Variants in CLDN2 observed in about 807,000 individuals in gnomAD.
The protein encoded by CLDN2 is claudin-2.
Under a neutral mutation model 8.2 loss-of-function variants are expected in CLDN2, and 1 was observed. The ratio of observed to expected loss-of-function variants is 0.12; its 90% CI spans 0.04 to 0.58. The LOEUF (loss-of-function observed/expected upper bound fraction) is 0.58, where lower values mean the gene tolerates loss of function less well. Ranked by LOEUF, CLDN2 falls within the 20% of genes least tolerant of loss-of-function variation. The probability of loss-of-function intolerance (pLI) is 0.90; values close to 1 mark genes in which losing one functional copy is unlikely to be tolerated. For missense variants in CLDN2, 108 were observed against 172.9 expected, an observed-to-expected ratio of 0.62 and a Z score of 2.11; for synonymous variants, 70 against 70.2, an observed-to-expected ratio of 1.00 and a Z score of 0.01.
In CLDN2 at chrX:106,929,868, T is replaced by C. The variant is rs1045470856; in HGVS notation, c.*947T>C. The C allele has an allele frequency of 1.6e-5, 2 of 123,415 alleles. No homozygotes were observed. Among genetic ancestry groups the C allele is most frequent in the Non-Finnish European group, 1.9e-5 (1 of 53,307 alleles). The allele number at this position is 123,415 out of a possible 1,213,427, so 10.2% of individuals were successfully genotyped here. A position where few individuals can be genotyped will look rare whatever the true frequency, so the allele number is the denominator to read the frequency against. On this transcript the variant is annotated 3_prime_UTR_variant, in exon 2 of 2. Coordinates refer to ENST00000336803, the MANE Select transcript of CLDN2 (RefSeq NM_020384.4). ...TAGACAATGGTTTCCTTAGGAACAG[T>C]AAACCAGTTTTTCTAGGGATGGCCC... is the stretch of plus-strand genomic sequence containing the variant.
At chrX:106,902,445 T>G (rs1019056871) in intron 1 of CLDN2, among the ~76,000 whole-genome samples, 1 of 112,418 alleles carries the variant, frequency 8.9e-6, no homozygotes, top group African/African-American at 3.2e-5. Context: ...GTCTTTGGGC[T>G]TCTTAAGCTC....
At chrX:106,924,797 T>A (rs1223884372) in intron 1 of CLDN2, among the ~76,000 whole-genome samples, 4 of 103,982 alleles carry the variant, frequency 3.8e-5, no homozygotes, top group Non-Finnish European at 5.9e-5. Context: ...TACCTCTTTC[T>A]TCCTCTGATC....
chrX:106,912,552 T>A (rs1453461942), intron 1 of CLDN2, among the ~76,000 whole-genome samples: 3 of 109,338 alleles, frequency 2.7e-5, no homozygotes, highest in Non-Finnish European at 5.7e-5. Context: ...TAGCTGGGAC[T>A]ATAGGCTTGC....
intron 1 of CLDN2, among the ~76,000 whole-genome samples, chrX:106,908,729 C>T (rs1253047439): frequency 9.1e-6 from 1 of 109,867 alleles, no homozygotes. Context: ...GCTGGGACCA[C>T]AGGTGTGTCC....
At chrX:106,924,555 G>A (rs753301550) in intron 1 of CLDN2, among the ~76,000 whole-genome samples, 1 of 110,280 alleles carries the variant, frequency 9.1e-6, no homozygotes, top group South Asian at 3.9e-4. Flanking sequence ...GCACTGCTTT[G>A]CATCAACACT....
At position 106,928,953 on chromosome X, in the gene CLDN2, G is replaced by A. The variant is rs769560991; in HGVS notation, c.*32G>A. ...AGGGGCCAGAGCTGGGGGGTGGCTGGGTCTGTGAAAAACAGTGGACAGCAC... is the reference window on the plus strand; with the variant it reads ...AGGGGCCAGAGCTGGGGGGTGGCTGAGTCTGTGAAAAACAGTGGACAGCAC... On this transcript the variant is annotated 3_prime_UTR_variant, in exon 2 of 2. Coordinates refer to ENST00000336803, the MANE Select transcript of CLDN2 (RefSeq NM_020384.4). 6.9e-6 allele frequency: 8 copies of A among 1,155,735 alleles called. No homozygotes were observed. Among genetic ancestry groups the A allele is most frequent in the Non-Finnish European group, 9.4e-6 (8 of 852,840 alleles).
chrX:106,903,727 G>A (rs1007308164), intron 1 of CLDN2, among the ~76,000 whole-genome samples: 3 of 111,955 alleles, frequency 2.7e-5, no homozygotes, highest in Non-Finnish European at 3.8e-5. Flanking sequence ...GGCAAGAAGA[G>A]ACAGCTGACC....
chrX:106,910,457 CTT>C (rs1300856139), intron 1 of CLDN2, among the ~76,000 whole-genome samples: 4 of 110,160 alleles, frequency 3.6e-5, no homozygotes, highest in African/African-American at 1.3e-4. Flanking sequence ...AATCCCAGCA[CTT>C]TGGGTGATCT....
At position 106,929,150 on chromosome X, in the gene CLDN2, A is replaced by C; in HGVS notation, c.*229A>C. 1 of 418,119 alleles carries C rather than the reference A, an allele frequency of 2.4e-6. No homozygotes were observed. The highest frequency in any genetic ancestry group is 4.2e-6 in the Non-Finnish European group (1 of 235,555). The allele number at this position is 418,119 out of a possible 1,213,427, so 34.5% of individuals were successfully genotyped here. A position where few individuals can be genotyped will look rare whatever the true frequency, so the allele number is the denominator to read the frequency against. On this transcript the variant is annotated 3_prime_UTR_variant, in exon 2 of 2. Coordinates refer to ENST00000336803, the MANE Select transcript of CLDN2 (RefSeq NM_020384.4). ...CCATGCCAGCCTTTCTGTTTTCCTC[A>C]CCTTGCTGCTCCCCTGCCCTAAGTC...
intron 1 of CLDN2, chrX:106,903,418 T>C: frequency 2.9e-6 from 2 of 698,828 alleles, no homozygotes. Context: ...AGGGGTGGGA[T>C]GACTTGGGAG....
chrX:106,910,384 T>A (rs759814508), intron 1 of CLDN2, among the ~76,000 whole-genome samples: 1 of 110,917 alleles, frequency 9.0e-6, no homozygotes, highest in East Asian at 2.9e-4. Context: ...TCTTATGAGG[T>A]AGTTACTATT....
chrX:106,912,409 T>C (rs1348933958), intron 1 of CLDN2, among the ~76,000 whole-genome samples: 2 of 59,741 alleles, frequency 3.3e-5, no homozygotes, highest in African/African-American at 4.2e-4. Flanking sequence ...TATGGAACTC[T>C]TTTTTTTTTT....
chrX:106,929,205 T>C lies in CLDN2; in HGVS notation c.*284T>C, dbSNP rs1296027863. 8.2e-6 allele frequency: 3 copies of C among 364,671 alleles called. No homozygotes were observed. The East Asian group carries it at 1.4e-4, about 17-fold the overall frequency. The allele number at this position is 364,671 out of a possible 1,213,427, so 30.1% of individuals were successfully genotyped here. ...ACCCTCAACTTGAAACCCCATTCCC[T>C]TAAGCCAGGACTCAGAGGATCCCTT... On this transcript the variant is annotated 3_prime_UTR_variant, in exon 2 of 2. Coordinates refer to ENST00000336803, the MANE Select transcript of CLDN2 (RefSeq NM_020384.4).
intron 1 of CLDN2, chrX:106,900,705 C>G (rs1177680754): frequency 1.7e-6 from 2 of 1,172,411 alleles, no homozygotes; most frequent in Non-Finnish European, 2.3e-6. Context: ...GGGTATGGAC[C>G]CTGGTACCCT....
upstream of CLDN2, among the ~76,000 whole-genome samples, chrX:106,919,036 G>A (rs778790206): frequency 1.8e-5 from 2 of 112,196 alleles, no homozygotes; most frequent in Admixed American, 1.9e-4. Context: ...ATAACAAAAC[G>A]TCTAGTAGTT....
upstream of CLDN2, among the ~76,000 whole-genome samples, chrX:106,919,631 G>A (rs1183455885): frequency 2.7e-5 from 3 of 111,294 alleles, no homozygotes; most frequent in Non-Finnish European, 3.8e-5. Flanking sequence ...CTACAGGTGC[G>A]CACCACCACA....
At chrX:106,900,449 C>T in exon 1 of CLDN2, 1 of 248,441 alleles carries the variant, frequency 4.0e-6, no homozygotes, top group Non-Finnish European at 7.2e-6. Context: ...CCATGGTCAA[C>T]ACAACAGCAG....
intron 1 of CLDN2, among the ~76,000 whole-genome samples, chrX:106,906,190 A>C (rs942896418): frequency 9.0e-6 from 1 of 111,691 alleles, no homozygotes; most frequent in African/African-American, 3.3e-5. Flanking sequence ...TTCCTATCAG[A>C]GCAATTAAGA....
chrX:106,907,073 A>G (rs929897451), intron 1 of CLDN2, among the ~76,000 whole-genome samples: 11 of 112,224 alleles, frequency 9.8e-5, no homozygotes, highest in African/African-American at 3.6e-4. Flanking sequence ...TCTCAGTGAA[A>G]GGGCTCTGCC....
Sources: allele counts gnomAD v4.1 joint callset (sites outside exome capture counted in the v4.1 genomes callset), GRCh38; gene constraint gnomAD v4.1.1; transcripts MANE v1.5; gene names NCBI Gene and HGNC (gene_info 2026-07-23, HGNC 2026-07-21).